The following TADA2A variants were observed in gnomAD, a reference collection of about 807,000 sequenced individuals.
TADA2A encodes the protein transcriptional adaptor 2A.
Under a neutral mutation model 67.4 loss-of-function variants are expected in TADA2A, and 38 were observed. That is an observed-to-expected ratio of 0.56 (90% CI 0.44 to 0.74). TADA2A has a LOEUF of 0.74. Among genes scored for constraint, TADA2A ranks in the 30% least tolerant of loss-of-function variants. The probability of loss-of-function intolerance (pLI) is 0.00; values close to 1 mark genes in which losing one functional copy is unlikely to be tolerated. For missense variants in TADA2A, 454 were observed against 547.0 expected (o/e 0.83, Z 1.70); for synonymous variants, 192 against 181.6 (o/e 1.06, Z -0.46).
chr17:37,429,681 C>G (rs1297018672), intron 4 of TADA2A, among the ~76,000 whole-genome samples: 4 of 152,136 alleles, frequency 2.6e-5, no homozygotes, highest in Non-Finnish European at 5.9e-5. Flanking sequence ...CTGAGCCTGA[C>G]TATTGGTGGA....
intron 8 of TADA2A, among the ~76,000 whole-genome samples, chr17:37,447,638 T>G (rs967584954): frequency 2.6e-5 from 4 of 152,148 alleles, no homozygotes; most frequent in African/African-American, 9.7e-5. Flanking sequence ...GATAACAGTT[T>G]AAAGAAGCTT....
chr17:37,467,336 A>G (rs2053686747), intron 11 of TADA2A, 118 bp from the exon 12 acceptor site: 1 of 774,696 alleles, frequency 1.3e-6, no homozygotes, highest in Non-Finnish European at 2.0e-6. Context: ...AGGATTCTCC[A>G]AATGAACTTC....
intron 3 of TADA2A, 126 bp from the exon 4 acceptor site, chr17:37,426,824 G>A (rs957760100): frequency 5.1e-6 from 4 of 786,656 alleles, no homozygotes; most frequent in Non-Finnish European, 8.0e-6. Flanking sequence ...CGGCCTGGGT[G>A]ACAGAACGAG....
chr17:37,436,253 A>C (rs1216642133), intron 4 of TADA2A: 1 of 152,216 alleles, frequency 6.6e-6, no homozygotes, highest in African/African-American at 2.4e-5. Flanking sequence ...TAGTCAAATT[A>C]AGTGTTTCAA....
chr17:37,475,299 G>A (rs1011712842), intron 15 of TADA2A, among the ~76,000 whole-genome samples: 7 of 151,792 alleles, frequency 4.6e-5, no homozygotes, highest in Non-Finnish European at 1.0e-4. Context: ...AGCTCCCCGA[G>A]TAGCTGGGAC....
At chr17:37,449,207 G>C (rs952261916) in intron 8 of TADA2A, among the ~76,000 whole-genome samples, 2 of 152,056 alleles carry the variant, frequency 1.3e-5, no homozygotes, top group Admixed American at 6.5e-5. Context: ...TTTTTTAGTA[G>C]AGACGGGGTT....
At chr17:37,437,122 G>A (rs1389733721) in intron 4 of TADA2A, among the ~76,000 whole-genome samples, 1 of 139,692 alleles carries the variant, frequency 7.2e-6, no homozygotes, top group Non-Finnish European at 1.5e-5. Flanking sequence ...GTCTTGCTCT[G>A]TCGCCCAGGC....
At chr17:37,422,106 C>T (rs1187023412) in intron 2 of TADA2A, among the ~76,000 whole-genome samples, 3 of 144,406 alleles carry the variant, frequency 2.1e-5, no homozygotes, top group African/African-American at 5.0e-5. Flanking sequence ...AGTGCAGCGG[C>T]GCGATCTCGG....
Position 37,476,777 on chromosome 17 carries a change from A to G in TADA2A, c.1147-20A>G. Reference sequence around the variant, plus strand: ...AAAATGACAGATGTTAATGTTTATTAAATTTGCCGTGTCTTGCAGCTCTGT... The same window carrying G: ...AAAATGACAGATGTTAATGTTTATTGAATTTGCCGTGTCTTGCAGCTCTGT... On this transcript the variant is annotated intron_variant, in intron 15 of 15. Transcript: ENST00000615182. 6.3e-7 allele frequency: 1 copy of G among 1,585,334 alleles called. No homozygotes were observed. Among genetic ancestry groups the G allele is most frequent in the Non-Finnish European group, 8.6e-7 (1 of 1,163,318 alleles).
At chr17:37,450,256 T>C (rs918426725) in intron 8 of TADA2A, among the ~76,000 whole-genome samples, 5 of 152,148 alleles carry the variant, frequency 3.3e-5, no homozygotes, top group African/African-American at 9.7e-5. Context: ...TGCACAAAAT[T>C]GTTTGTGTGC....
chr17:37,474,494 C>A (rs1051342605), intron 14 of TADA2A, 62 bp from the exon 15 acceptor site: 6 of 1,545,934 alleles, frequency 3.9e-6, no homozygotes, highest in Non-Finnish European at 5.3e-6. Context: ...CTTTTTAATA[C>A]TTTACACCTG....
intron 10 of TADA2A, 95 bp downstream of exon 10, chr17:37,462,216 G>A: frequency 3.6e-6 from 3 of 835,440 alleles, no homozygotes; most frequent in Non-Finnish European, 5.6e-6. Context: ...AATCCAAGTT[G>A]CATATTAGCC....
intron 8 of TADA2A, among the ~76,000 whole-genome samples, chr17:37,445,635 T>C (rs2053055029): frequency 1.3e-5 from 2 of 152,332 alleles, no homozygotes; most frequent in Admixed American, 6.5e-5. Context: ...CTAAAACTTA[T>C]GTGGTGAATG....
chr17:37,464,179 A>G (rs1286104193), intron 10 of TADA2A, among the ~76,000 whole-genome samples: 6 of 152,214 alleles, frequency 3.9e-5, no homozygotes, highest in Non-Finnish European at 8.8e-5. Context: ...GTCAGTAGTG[A>G]TCCCCAGAGT....
intron 3 of TADA2A, among the ~76,000 whole-genome samples, chr17:37,426,102 A>T (rs936010652): frequency 6.6e-6 from 1 of 152,010 alleles, no homozygotes; most frequent in Non-Finnish European, 1.5e-5. Context: ...GCCTGCCCTG[A>T]GTAACTAGGT....
At chr17:37,461,289 AC>A (rs1039991541) in intron 9 of TADA2A, among the ~76,000 whole-genome samples, 3 of 152,112 alleles carry the variant, frequency 2.0e-5, no homozygotes, top group African/African-American at 4.8e-5. Flanking sequence ...AAAGCTGCTC[AC>A]CTGCTGTGCA....
intron 8 of TADA2A, among the ~76,000 whole-genome samples, chr17:37,452,447 G>A (rs1170704775): frequency 6.6e-6 from 1 of 152,126 alleles, no homozygotes. Context: ...GTGTGTTTTA[G>A]CTATCATTAT....
intron 4 of TADA2A, among the ~76,000 whole-genome samples, chr17:37,433,420 G>A (rs955503152): frequency 2.0e-5 from 3 of 152,140 alleles, no homozygotes; most frequent in African/African-American, 7.2e-5. Context: ...CACTTTGAGA[G>A]GCTGCGGTAG....
At chr17:37,429,661 A>G (rs2052514611) in intron 4 of TADA2A, among the ~76,000 whole-genome samples, 1 of 152,172 alleles carries the variant, frequency 6.6e-6, no homozygotes, top group Non-Finnish European at 1.5e-5. Flanking sequence ...GAAAGGGTGA[A>G]TCAGCATCTC....
Sources: allele counts gnomAD v4.1 joint callset (sites outside exome capture counted in the v4.1 genomes callset), GRCh38; gene constraint gnomAD v4.1.1; transcripts MANE v1.5; gene names NCBI Gene and HGNC (gene_info 2026-07-23, HGNC 2026-07-21).